NXPH2: variants seen among roughly 807,000 people sequenced by gnomAD.
NXPH2 encodes neurexophilin 2.
NXPH2 carries 5 observed loss-of-function variants against 19.8 expected under a neutral mutation model. That is an observed-to-expected ratio of 0.25 (90% CI 0.13 to 0.53). The LOEUF is 0.53. NXPH2 is among the 20% of genes least tolerant of loss of function. The pLI is 0.96. For missense variants in NXPH2, 289 were observed against 322.8 expected (o/e 0.90, Z 0.80); for synonymous variants, 154 against 127.4 (o/e 1.21, Z -1.41).
At chr2:138,762,784 C>T (rs1426720846) in intron 1 of NXPH2, among the ~76,000 whole-genome samples, 1 of 152,132 alleles carries the variant, frequency 6.6e-6, no homozygotes, top group Non-Finnish European at 1.5e-5. Flanking sequence ...ATGCAGATGA[C>T]ACTCTTCAAC....
chr2:138,707,677 C>T (rs1362414625), intron 1 of NXPH2, among the ~76,000 whole-genome samples: 2 of 152,184 alleles, frequency 1.3e-5, no homozygotes, highest in African/African-American at 4.8e-5. Flanking sequence ...TGACTCACAA[C>T]TTTAGTTTAT....
intron 1 of NXPH2, among the ~76,000 whole-genome samples, chr2:138,772,552 C>A (rs1050458613): frequency 2.0e-5 from 3 of 152,210 alleles, no homozygotes; most frequent in Admixed American, 6.5e-5. Flanking sequence ...CCACCTCGAC[C>A]TCTCAAAGTG....
chr2:138,715,741 A>G (rs1414646593), intron 1 of NXPH2, among the ~76,000 whole-genome samples: 1 of 152,004 alleles, frequency 6.6e-6, no homozygotes, highest in Non-Finnish European at 1.5e-5. Flanking sequence ...TTTCCTTTAT[A>G]TTTTCCCTCT....
chr2:138,780,224 C>T lies in NXPH2; in HGVS notation c.18G>A (p.Leu6=). The change falls in exon 1 of 2, where the codon CTG becomes CTA. Residue 6 remains leucine (L), a synonymous_variant. Coordinates refer to ENST00000272641, the MANE Select transcript of NXPH2 (RefSeq NM_007226.3). Reference sequence around the variant, plus strand: ...GCAAGCCAGGGACCACCACGAGGGGCAGCGGCCGCAGGCGCATGGTGCCGG... The same window carrying T: ...GCAAGCCAGGGACCACCACGAGGGGTAGCGGCCGCAGGCGCATGGTGCCGG... MRLRP[L]PLVVVPGLLQ... is the part of the protein sequence containing the mutation. The T allele has an allele frequency of 6.8e-7, 1 of 1,464,556 alleles. No individual in the cohort carries two copies. The highest frequency in any genetic ancestry group is 8.9e-7 in the Non-Finnish European group (1 of 1,117,526). The allele number at this position is 1,464,556 out of a possible 1,614,324, so 90.7% of individuals were successfully genotyped here.
intron 1 of NXPH2, among the ~76,000 whole-genome samples, chr2:138,702,708 C>T (rs995687132): frequency 5.9e-5 from 9 of 151,754 alleles, no homozygotes; most frequent in African/African-American, 2.2e-4. Flanking sequence ...GCTTCAAATA[C>T]AGTACAAAAT....
chr2:138,699,293 G>A (rs1680880013), intron 1 of NXPH2, among the ~76,000 whole-genome samples: 1 of 152,096 alleles, frequency 6.6e-6, no homozygotes, highest in South Asian at 2.1e-4. Context: ...AAATGAAAGT[G>A]CTGCCCTATA....
chr2:138,740,969 A>G (rs779217870), intron 1 of NXPH2, among the ~76,000 whole-genome samples: 21 of 152,060 alleles, frequency 1.4e-4, no homozygotes, highest in Non-Finnish European at 2.5e-4. Context: ...GGAAAAATAC[A>G]TCTTGAAATA....
chr2:138,752,624 C>A (rs1009485678), intron 1 of NXPH2, among the ~76,000 whole-genome samples: 1 of 152,076 alleles, frequency 6.6e-6, no homozygotes, highest in African/African-American at 2.4e-5. Context: ...TTATTATGAA[C>A]TGAAGCCCAT....
intron 1 of NXPH2, among the ~76,000 whole-genome samples, chr2:138,691,521 T>A (rs1680746581): frequency 5.3e-5 from 8 of 152,226 alleles, no homozygotes; most frequent in Non-Finnish European, 1.5e-5. Flanking sequence ...TATTTCTCTG[T>A]GCCTGAATGC....
intron 1 of NXPH2, among the ~76,000 whole-genome samples, chr2:138,726,357 T>C (rs1681359096): frequency 6.6e-6 from 1 of 151,954 alleles, no homozygotes; most frequent in Non-Finnish European, 1.5e-5. Flanking sequence ...CAACTTAGAG[T>C]TTAATTAATA....
chr2:138,715,839 C>G (rs1166964303), intron 1 of NXPH2, among the ~76,000 whole-genome samples: 1 of 152,200 alleles, frequency 6.6e-6, no homozygotes, highest in East Asian at 1.9e-4. Flanking sequence ...TCATCAGCCA[C>G]CTCTTCAACA....
rs1265221387 is a variant in NXPH2, at chr2:138,671,217, A to G, written c.500T>C (p.Val167Ala). The G allele has an allele frequency of 6.2e-7, 1 of 1,613,808 alleles. No homozygotes were observed. The highest frequency in any genetic ancestry group is 1.1e-5 in the South Asian group (1 of 91,056). ...SVSLVPPSKV[V>A]EFEVSPQSTL... Reference sequence around the variant, plus strand: ...AGACTGGGGGGAAACTTCAAATTCCACCACCTTGGAGGGTGGTACCAAGCT... The same window carrying G: ...AGACTGGGGGGAAACTTCAAATTCCGCCACCTTGGAGGGTGGTACCAAGCT... The change falls in exon 2 of 2, where the codon GTG becomes GCG. Residue 167 changes from valine to alanine, a missense_variant. Physicochemically the swap from Val to Ala is moderately conservative, Grantham distance 64 (BLOSUM62 0). Transcript: ENST00000272641.
rs955121071 is a variant in NXPH2, at chr2:138,780,257, G to A, written c.-16C>T. ...GCAGGCGCATGGTGCCGGCTGGCGC[G>A]GCTTTTCACGAGCTGCGCGCCCTCG... On this transcript the variant is annotated 5_prime_UTR_variant, in exon 1 of 2. Coordinates refer to ENST00000272641, the MANE Select transcript of NXPH2 (RefSeq NM_007226.3). 71 of 1,421,506 alleles carry A rather than the reference G, an allele frequency of 5.0e-5. No homozygotes were observed. Among genetic ancestry groups the A allele is most frequent in the Non-Finnish European group, 6.3e-5 (69 of 1,098,596 alleles). 88.1% of individuals were successfully genotyped at this position (1,421,506 alleles called of 1,614,324 possible).
At chr2:138,693,370 G>T (rs1335504266) in intron 1 of NXPH2, among the ~76,000 whole-genome samples, 1 of 152,148 alleles carries the variant, frequency 6.6e-6, no homozygotes, top group Non-Finnish European at 1.5e-5. Context: ...GCTGGTTTGG[G>T]TATGGAAAAG....
intron 1 of NXPH2, among the ~76,000 whole-genome samples, chr2:138,726,608 ATGTG>A (rs1681363746): frequency 6.6e-6 from 1 of 151,606 alleles, no homozygotes; most frequent in South Asian, 2.1e-4. Flanking sequence ...AGTCAATGAG[ATGTG>A]TGTGTTTTTT....
At chr2:138,748,305 C>T (rs1218455369) in intron 1 of NXPH2, among the ~76,000 whole-genome samples, 4 of 152,116 alleles carry the variant, frequency 2.6e-5, no homozygotes, top group Non-Finnish European at 5.9e-5. Flanking sequence ...TGCTGTAAGG[C>T]TTTCAGTAGT....
chr2:138,714,215 GGCAGAGGGCATGCTAAGCAAAAGA>G (rs1681155673), intron 1 of NXPH2, among the ~76,000 whole-genome samples: 1 of 151,952 alleles, frequency 6.6e-6, no homozygotes, highest in Non-Finnish European at 1.5e-5. Context: ...CGTACATAGG[GGCAGAGGGCATGCTAAGCAAAAGA>G]GCAAATAAAA....
chr2:138,770,859 A>C (rs1046524455), intron 1 of NXPH2, among the ~76,000 whole-genome samples: 7 of 152,130 alleles, frequency 4.6e-5, no homozygotes, highest in African/African-American at 1.4e-4. Context: ...GGCAATTCAC[A>C]AAATAAGAAA....
At position 138,671,553 on chromosome 2, in the gene NXPH2, G is replaced by T. The variant is rs1180168563; in HGVS notation, c.164C>A (p.Pro55His). The T allele has an allele frequency of 6.2e-7, 1 of 1,613,824 alleles. No homozygotes were observed. Among genetic ancestry groups the T allele is most frequent in the Non-Finnish European group, 8.5e-7 (1 of 1,179,868 alleles). The change falls in exon 2 of 2, where the codon CCC becomes CAC. Residue 55 changes from proline to histidine, a missense_variant. Physicochemically the swap from Pro to His is moderately conservative, Grantham distance 77 (BLOSUM62 -2). Coordinates refer to ENST00000272641, the MANE Select transcript of NXPH2 (RefSeq NM_007226.3). ...GNVVHSRIIS[P>H]LRLFVKQSPV... ...AGACTGTTTAACAAACAGGCGCAGG[G>T]GACTGATGATCCTTGAGTGCACCAC...
Sources: gnomAD v4.1 joint callset for allele counts (sites outside exome capture counted in the v4.1 genomes callset) on GRCh38, gnomAD v4.1.1 for gene constraint, MANE v1.5 for transcripts, NCBI Gene and HGNC (gene_info 2026-07-23, HGNC 2026-07-21) for gene names.